The following NEDD9 variants were observed in gnomAD, a reference collection of about 807,000 sequenced individuals.
NEDD9 encodes neural precursor cell expressed, developmentally down-regulated 9, also known as enhancer of filamentation 1.
A neutral mutation model predicts 76.6 loss-of-function variants in NEDD9; 26 were observed. The ratio of observed to expected loss-of-function variants is 0.34; its 90% CI spans 0.25 to 0.47. The LOEUF is 0.47. NEDD9 is among the 20% of genes least tolerant of loss of function. The pLI, the probability that NEDD9 is intolerant of heterozygous loss-of-function variation, is 1.00. For missense variants in NEDD9, 937 were observed against 1,058.5 expected, an observed-to-expected ratio of 0.89 and a Z score of 1.59; for synonymous variants, 392 against 414.2, an observed-to-expected ratio of 0.95 and a Z score of 0.65.
intron 2 of NEDD9, among the ~76,000 whole-genome samples, chr6:11,196,692 AC>A (rs1561783193): frequency 1.3e-5 from 2 of 150,452 alleles, no homozygotes; most frequent in Admixed American, 6.6e-5. Context: ...CGAATACAGC[AC>A]CCCCCGCCCG....
intron 1 of NEDD9, among the ~76,000 whole-genome samples, chr6:11,366,678 G>A (rs558311865): frequency 2.6e-5 from 4 of 152,292 alleles, no homozygotes; most frequent in Non-Finnish European, 5.9e-5. Context: ...CACCAACAAC[G>A]TGTGCTGAAA....
upstream of NEDD9, among the ~76,000 whole-genome samples, chr6:11,234,650 AAAGGAAAGCAC>A (rs1385946504): frequency 6.6e-6 from 1 of 152,128 alleles, no homozygotes; most frequent in Non-Finnish European, 1.5e-5. Context: ...TTAGCTGCCT[AAAGGAAAGCAC>A]AAGGGTGTTG....
rs566860020 is a variant in NEDD9, at chr6:11,329,068, G to A, written c.-153+5433C>T. On this transcript the variant is annotated intron_variant, in intron 2 of 3. Transcript: ENST00000397378. ...TGGTGAGGCACAAGCATGACATCAT[G>A]TTCAGGAGGAATGCACAGCACATAA... Among the ~76,000 whole-genome samples the A allele has an allele frequency of 2.4e-4, 37 of 152,362 alleles. No homozygotes were observed. The South Asian group carries it at 7.7e-3, about 32-fold the overall frequency.
chr6:11,250,819 C>T (rs973867937), intron 3 of NEDD9, among the ~76,000 whole-genome samples: 15 of 152,220 alleles, frequency 9.9e-5, no homozygotes, highest in Admixed American at 6.5e-4. Flanking sequence ...TTAACAAGGT[C>T]CCAGGCTGAA....
chr6:11,222,135 C>T (rs1443447493), intron 1 of NEDD9, among the ~76,000 whole-genome samples: 1 of 152,200 alleles, frequency 6.6e-6, no homozygotes, highest in Non-Finnish European at 1.5e-5. Flanking sequence ...TCCTATTTTT[C>T]CATTCCTGTC....
intron 1 of NEDD9, among the ~76,000 whole-genome samples, chr6:11,341,113 C>G (rs1762264972): frequency 6.6e-6 from 1 of 152,220 alleles, no homozygotes; most frequent in Non-Finnish European, 1.5e-5. Flanking sequence ...TGAAGGGACA[C>G]TTCTCAGGCT....
rs192803513 is a variant in NEDD9 at position 11,286,447 on chromosome 6, A to G, written c.12+19545T>C. Among the ~76,000 whole-genome samples, 116 of 152,350 alleles carry G rather than the reference A, an allele frequency of 7.6e-4. 1 individual carries two copies. The highest frequency in any genetic ancestry group is 1.2e-3 in the Non-Finnish European group (79 of 68,034). On this transcript the variant is annotated intron_variant, in intron 3 of 3. Coordinates refer to the NEDD9 transcript ENST00000397378. ...GAAGTTAGGAATACACTGATCATAT[A>G]ATCTAGTCATTGATTCCTAGATTTT...
intron 1 of NEDD9, among the ~76,000 whole-genome samples, chr6:11,339,937 T>C (rs1310296788): frequency 1.3e-5 from 2 of 152,254 alleles, no homozygotes; most frequent in African/African-American, 2.4e-5. Flanking sequence ...TTATGGTTGA[T>C]TCCAAATGTG....
intron 1 of NEDD9, among the ~76,000 whole-genome samples, chr6:11,355,915 G>T (rs1175001202): frequency 6.6e-6 from 1 of 152,018 alleles, no homozygotes; most frequent in Non-Finnish European, 1.5e-5. Flanking sequence ...TAGAGACGGG[G>T]TTTCACCGTG....
At chr6:11,321,831 G>T (rs1335024784) in intron 2 of NEDD9, among the ~76,000 whole-genome samples, 2 of 152,170 alleles carry the variant, frequency 1.3e-5, no homozygotes, top group South Asian at 4.1e-4. Context: ...TCTAGCGAAG[G>T]CCAAGGATTT....
intron 3 of NEDD9, among the ~76,000 whole-genome samples, chr6:11,257,810 T>TGTGTGTGC (rs1340885962): frequency 3.3e-5 from 5 of 151,294 alleles, no homozygotes; most frequent in African/African-American, 1.2e-4. Context: ...TGTGTGTGTG[T>TGTGTGTGC]GCAGTACGGC....
At chr6:11,208,492 A>T (rs1009816817) in intron 2 of NEDD9, among the ~76,000 whole-genome samples, 5 of 152,208 alleles carry the variant, frequency 3.3e-5, no homozygotes, top group Admixed American at 2.6e-4. Context: ...GTGTGATAAG[A>T]TCAGAACCAC....
chr6:11,335,044 G>C (rs1013363510), intron 1 of NEDD9, among the ~76,000 whole-genome samples: 3 of 152,164 alleles, frequency 2.0e-5, no homozygotes, highest in Non-Finnish European at 2.9e-5. Context: ...AACATCGACT[G>C]TTCTACTGTT....
At chr6:11,239,710 G>T (rs9393992) in intron 3 of NEDD9, among the ~76,000 whole-genome samples, 40,954 of 151,868 alleles carry the variant, frequency 0.27, 6,011 homozygotes, top group East Asian at 0.57. Flanking sequence ...AGTGTCCTAG[G>T]AATACATTCT....
At chr6:11,266,253 C>T (rs1760199539) in intron 3 of NEDD9, among the ~76,000 whole-genome samples, 1 of 152,062 alleles carries the variant, frequency 6.6e-6, no homozygotes, top group Non-Finnish European at 1.5e-5. Context: ...CCCCTCCCCC[C>T]TCACTTACTC....
chr6:11,359,653 C>T (rs139849018), intron 1 of NEDD9, among the ~76,000 whole-genome samples: 117 of 152,332 alleles, frequency 7.7e-4, no homozygotes, highest in African/African-American at 2.5e-3. Context: ...GGGCTGCTTC[C>T]GCCATGGTTA....
intron 1 of NEDD9, among the ~76,000 whole-genome samples, chr6:11,232,259 G>T (rs969637858): frequency 2.6e-5 from 4 of 152,182 alleles, no homozygotes; most frequent in Non-Finnish European, 1.5e-5. Context: ...ACTTCTCACC[G>T]AGGTATTTCC....
intron 3 of NEDD9, among the ~76,000 whole-genome samples, chr6:11,258,329 A>G (rs896959720): frequency 2.6e-5 from 4 of 152,228 alleles, no homozygotes; most frequent in African/African-American, 9.6e-5. Flanking sequence ...GCTGAGCCCC[A>G]GCACCCTGGC....
At chr6:11,257,860 T>C (rs1760035486) in intron 3 of NEDD9, among the ~76,000 whole-genome samples, 1 of 151,922 alleles carries the variant, frequency 6.6e-6, no homozygotes. Context: ...CTCTTTTTAT[T>C]TCTTGTCTCT....
Sources: allele counts gnomAD v4.1 joint callset (sites outside exome capture counted in the v4.1 genomes callset), GRCh38; gene constraint gnomAD v4.1.1; transcripts MANE v1.5; gene names NCBI Gene and HGNC (gene_info 2026-07-23, HGNC 2026-07-21).